The following ADAR variants were observed in gnomAD, a reference collection of about 807,000 sequenced individuals.
The protein encoded by ADAR is adenosine deaminase RNA specific, also known as double-stranded RNA-specific adenosine deaminase.
Under a neutral mutation model 113.2 loss-of-function variants are expected in ADAR, and 41 were observed. The ratio of observed to expected loss-of-function variants is 0.36; its 90% CI spans 0.28 to 0.47. The LOEUF (loss-of-function observed/expected upper bound fraction) is 0.47, where lower values mean the gene tolerates loss of function less well. Ranked by LOEUF, ADAR falls within the 20% of genes least tolerant of loss-of-function variation. ADAR has a pLI of 1.00. For synonymous variants in ADAR, 605 were observed against 572.6 expected, an observed-to-expected ratio of 1.06 and a Z score of -0.81; for missense variants, 1,242 against 1,540.9, an observed-to-expected ratio of 0.81 and a Z score of 3.25.
At chr1:154,626,272 G>A (rs1698936918) in intron 1 of ADAR, among the ~76,000 whole-genome samples, 1 of 151,812 alleles carries the variant, frequency 6.6e-6, no homozygotes, top group South Asian at 2.1e-4. Context: ...GCACCATCAT[G>A]CTGGTCTAAT....
chr1:154,596,030 G>T (rs540612869), intron 6 of ADAR, among the ~76,000 whole-genome samples: 1 of 152,074 alleles, frequency 6.6e-6, no homozygotes, highest in Non-Finnish European at 1.5e-5. Flanking sequence ...AGGAGCAACC[G>T]GCCATACCAT....
At chr1:154,589,098 T>C (rs1163741153) in intron 9 of ADAR, among the ~76,000 whole-genome samples, 2 of 152,234 alleles carry the variant, frequency 1.3e-5, no homozygotes, top group Non-Finnish European at 2.9e-5. Flanking sequence ...GGTCATTTTG[T>C]GTTTTTAGAA....
intron 1 of ADAR, among the ~76,000 whole-genome samples, chr1:154,613,358 C>A (rs1279510749): frequency 6.9e-6 from 1 of 144,028 alleles, no homozygotes; most frequent in Non-Finnish European, 1.5e-5. Context: ...GATCTCGGCT[C>A]ACTGCAACCT....
chr1:154,585,693 TTTACA>T, intron 13 of ADAR, 55 bp downstream of exon 13: 1 of 1,440,794 alleles, frequency 6.9e-7, no homozygotes, highest in East Asian at 2.3e-5. Context: ...TTTTCCTCTG[TTTACA>T]TGACTGCTTG....
chr1:154,623,621 G>A (rs1571152850), intron 1 of ADAR, among the ~76,000 whole-genome samples: 1 of 152,150 alleles, frequency 6.6e-6, no homozygotes, highest in East Asian at 1.9e-4. Flanking sequence ...TTCCTTGTCA[G>A]CAATGGTTAA....
At chr1:154,588,700 G>T in intron 9 of ADAR, 27 bp from the exon 10 acceptor site, 1 of 1,613,980 alleles carries the variant, frequency 6.2e-7, no homozygotes, top group South Asian at 1.1e-5. Context: ...TGGTTAGGAA[G>T]GCAGGTTCAA....
At chr1:154,621,303 A>G (rs1571150201) in intron 1 of ADAR, among the ~76,000 whole-genome samples, 1 of 152,134 alleles carries the variant, frequency 6.6e-6, no homozygotes, top group East Asian at 1.9e-4. Context: ...AAAAAACTAG[A>G]ATATAGAATA....
Position 154,589,909 on chromosome 1 carries a change from G to A in ADAR, c.2516C>T (p.Thr839Ile). The change falls in exon 8 of 15, where the codon ACC becomes ATC. Residue 839 changes from threonine (T) to isoleucine (I), a missense_variant. Around this residue, in one of 2 missense-constraint regions of ADAR, gnomAD observed 780 missense variants for 1,057.9 expected, o/e 0.74. Transcript: ENST00000368474. ...QPKTLPLTGSTFHDQIAMLSH... is the reference protein window; with the variant it reads ...QPKTLPLTGSIFHDQIAMLSH... ...CAGCATGGCTATCTGGTCATGGAAG[G>A]TGCTGCCAGTGAGAGGGAGCTGTGG... The A allele has an allele frequency of 6.2e-7, 1 of 1,614,060 alleles. No individual in the cohort carries two copies. The highest frequency in any genetic ancestry group is 8.5e-7 in the Non-Finnish European group (1 of 1,180,038).
chr1:154,587,298 C>G (rs974238528), intron 11 of ADAR, among the ~76,000 whole-genome samples: 5 of 152,128 alleles, frequency 3.3e-5, no homozygotes, highest in Non-Finnish European at 7.3e-5. Flanking sequence ...TCAAGTGCAT[C>G]CATATTGTAA....
At position 154,583,092 on chromosome 1, in the gene ADAR, G is replaced by A. The variant is rs1696513115; in HGVS notation, c.*1714C>T. ...TCAGCAGTTTGGAGGGAAATCATCT[G>A]AGGGTGCTGGCTCAGCACGTTCCCA... is the stretch of plus-strand genomic sequence containing the variant. On this transcript the variant is annotated 3_prime_UTR_variant, in exon 15 of 15. Coordinates refer to ENST00000368474, the MANE Select transcript of ADAR (RefSeq NM_001111.5). The A allele has an allele frequency of 6.6e-6, 1 of 152,264 alleles. No individual in the cohort carries two copies. The highest frequency in any genetic ancestry group is 1.5e-5 in the Non-Finnish European group (1 of 68,050). The allele number at this position is 152,264 out of a possible 1,614,324, so 9.4% of individuals were successfully genotyped here. A position where few individuals can be genotyped will look rare whatever the true frequency, so the allele number is the denominator to read the frequency against.
At chr1:154,588,022 C>T in intron 11 of ADAR, 103 bp downstream of exon 11, 3 of 1,552,810 alleles carry the variant, frequency 1.9e-6, no homozygotes, top group South Asian at 1.1e-5. Context: ...CACCTCTGTG[C>T]CCAGTGACTA....
chr1:154,604,677 C>T (rs947649101), intron 1 of ADAR, among the ~76,000 whole-genome samples: 1 of 152,114 alleles, frequency 6.6e-6, no homozygotes, highest in African/African-American at 2.4e-5. Flanking sequence ...CTTCTTTGTC[C>T]CTTTTTCCCA....
chr1:154,586,366 G>T lies in ADAR; in HGVS notation c.3020-3C>A. 6.2e-7 allele frequency: 1 copy of T among 1,613,772 alleles called. No homozygotes were observed. Among genetic ancestry groups the T allele is most frequent in the Non-Finnish European group, 8.5e-7 (1 of 1,179,992 alleles). On this transcript the variant is annotated splice_polypyrimidine_tract_variant and splice_region_variant and intron_variant, in intron 11 of 14. Coordinates refer to ENST00000368474, the MANE Select transcript of ADAR (RefSeq NM_001111.5). ...TTCCACAGGGATTGTGCCTTCTCCT[G>T]TGTGAGAGACTTGGGTCAGACCCAC...
chr1:154,592,420 T>G (rs909583587), intron 6 of ADAR, among the ~76,000 whole-genome samples: 1 of 152,060 alleles, frequency 6.6e-6, no homozygotes. Context: ...CTAAAAAAAA[T>G]AGAAGATACT....
In ADAR at chr1:154,584,924, G is replaced by A; in HGVS notation, c.3563C>T (p.Ala1188Val). ...LRLSYGEAKK[A>V]ARDYETAKNY... ...CTTGGCCGTCTCGTAGTCACGGGCA[G>A]CTTTCTTGGCCTCACCATAGGAGAG... The change falls in exon 15 of 15, where the codon GCT (alanine) becomes GTT (valine). Residue 1188 changes from alanine to valine, a missense_variant. By Grantham distance (64) the Ala-to-Val change is moderately conservative. This residue lies in a region of ADAR where 780 missense variants were observed against 1,057.9 expected (regional missense o/e 0.74). Transcript: ENST00000368474. The A allele has an allele frequency of 6.2e-7, 1 of 1,614,164 alleles. No individual in the cohort carries two copies. Among genetic ancestry groups the A allele is most frequent in the Non-Finnish European group, 8.5e-7 (1 of 1,180,030 alleles).
chr1:154,587,068 C>CA (rs1696810124), intron 11 of ADAR, among the ~76,000 whole-genome samples: 1 of 152,222 alleles, frequency 6.6e-6, no homozygotes, highest in Non-Finnish European at 1.5e-5. Flanking sequence ...CTGCAACTGT[C>CA]ACCACAGTCA....
Position 154,601,633 on chromosome 1 carries a change from T to C in ADAR, c.1009A>G (p.Met337Val), listed in dbSNP as rs1467960095. 1.2e-6 allele frequency: 2 copies of C among 1,613,830 alleles called. No individual in the cohort carries two copies. Among genetic ancestry groups the C allele is most frequent in the Admixed American group, 1.7e-5 (1 of 60,034 alleles). ...ARDINAVLIDMERQGDVYRQG... is the reference protein window; with the variant it reads ...ARDINAVLIDVERQGDVYRQG... ...CTATAGACATCCCCCTGCCTTTCCA[T>C]GTCAATTAGCACAGCATTTATATCT... The change falls in exon 2 of 15, where the codon ATG (methionine) becomes GTG (valine). Residue 337 changes from methionine (M) to valine (V), a missense_variant. Transcript: ENST00000368474. This position sits in a 1 kb window ranked among gnomAD's most constrained non-coding sequence, Gnocchi z 4.7.
At chr1:154,612,721 GC>G (rs1471014536), upstream of ADAR, among the ~76,000 whole-genome samples, 2 of 152,074 alleles carry the variant, frequency 1.3e-5, no homozygotes, top group Non-Finnish European at 2.9e-5. Context: ...CAAATTTATT[GC>G]CCTCCTTTTT....
chr1:154,586,210 TG>T lies in ADAR; in HGVS notation c.3172del (p.Gln1058SerfsTer19). On this transcript the variant is annotated frameshift_variant, in exon 12 of 15. Coordinates refer to ENST00000368474, the MANE Select transcript of ADAR (RefSeq NM_001111.5). LOFTEE classifies it high-confidence loss of function. ...TGTGACAGATTTGAGATAAATGGGC[TG>T]CAGGAAGTGGGTCAACAGTGCCCCT... ...LQGALLTHFLQPIYLKSVTLG... is the reference protein window; with the variant it reads ...LQGALLTHFLXPIYLKSVTLG... The T allele has an allele frequency of 6.2e-7, 1 of 1,614,226 alleles. No individual in the cohort carries two copies. Among genetic ancestry groups the T allele is most frequent in the Non-Finnish European group, 8.5e-7 (1 of 1,180,038 alleles).
Sources: gnomAD v4.1 joint callset for allele counts (sites outside exome capture counted in the v4.1 genomes callset) on GRCh38, gnomAD v4.1.1 for gene constraint, gnomAD v4.1.1 regional missense constraint, Gnocchi (gnomAD v3.1) non-coding constraint, MANE v1.5 for transcripts, NCBI Gene and HGNC (gene_info 2026-07-23, HGNC 2026-07-21) for gene names.